The following ELMO1 variants were observed in gnomAD, a reference collection of about 807,000 sequenced individuals.
ELMO1 encodes engulfment and cell motility 1.
A neutral mutation model predicts 98.9 loss-of-function variants in ELMO1; 26 were observed. The observed-to-expected ratio is 0.26, with a 90% confidence interval of 0.19 to 0.36. The LOEUF is 0.36. ELMO1 is among the 10% of genes least tolerant of loss of function. ELMO1 has a pLI of 1.00. For synonymous variants in ELMO1, 346 were observed against 346.0 expected (o/e 1.00, Z 0.00); for missense variants, 627 against 935.2 (o/e 0.67, Z 4.30).
At chr7:37,296,073 G>A (rs1289342271) in intron 4 of ELMO1, among the ~76,000 whole-genome samples, 1 of 152,108 alleles carries the variant, frequency 6.6e-6, no homozygotes, top group East Asian at 1.9e-4. Flanking sequence ...TATGGATCAG[G>A]AGTCTAGCAC....
At chr7:37,091,557 T>C (rs1390558893) in intron 15 of ELMO1, among the ~76,000 whole-genome samples, 1 of 152,170 alleles carries the variant, frequency 6.6e-6, no homozygotes, top group Non-Finnish European at 1.5e-5. Flanking sequence ...CTATGCCTCC[T>C]GTTTTCTGTA....
At chr7:37,015,176 GGAGC>G (rs1793846690) in intron 15 of ELMO1, among the ~76,000 whole-genome samples, 1 of 152,114 alleles carries the variant, frequency 6.6e-6, no homozygotes, top group South Asian at 2.1e-4. Context: ...GCATGGGCCT[GGAGC>G]AATGCACAGT....
At chr7:37,010,435 G>A (rs1793464910) in intron 16 of ELMO1, among the ~76,000 whole-genome samples, 1 of 152,200 alleles carries the variant, frequency 6.6e-6, no homozygotes. Flanking sequence ...GGAAGATGAT[G>A]CTGGATTATC....
Position 37,129,396 on chromosome 7 carries a change from T to C in ELMO1, c.1191+3734A>G, listed in dbSNP as rs76863052. The stretch of plus-strand genomic sequence containing the variant: ...TAAGAATGCTTAAGGAGTTAGAATA[T>C]AGATTGTGATGTCTACGTGGGTCTC... On this transcript the variant is annotated intron_variant, in intron 14 of 21. Transcript: ENST00000310758. Among the ~76,000 whole-genome samples, 1,486 of 152,354 alleles carry C rather than the reference T, an allele frequency of 9.8e-3. 22 individuals are homozygous for C. The highest frequency in any genetic ancestry group is 0.034 in the African/African-American group (1,434 of 41,576).
chr7:37,068,299 C>A (rs139603770), intron 15 of ELMO1, among the ~76,000 whole-genome samples: 1 of 152,146 alleles, frequency 6.6e-6, no homozygotes, highest in Non-Finnish European at 1.5e-5. Flanking sequence ...GTGAGAGTGA[C>A]GTTAAAGAGA....
intron 15 of ELMO1, among the ~76,000 whole-genome samples, chr7:37,065,673 C>T (rs1204646034): frequency 6.6e-6 from 1 of 152,144 alleles, no homozygotes; most frequent in Admixed American, 6.6e-5. Flanking sequence ...GAAAAAAGTG[C>T]CAGTTTATTT....
At chr7:37,149,461 T>C (rs186934845) in intron 13 of ELMO1, among the ~76,000 whole-genome samples, 1 of 152,096 alleles carries the variant, frequency 6.6e-6, no homozygotes, top group Non-Finnish European at 1.5e-5. Flanking sequence ...TAAAATGTTT[T>C]TTCTTTTACA....
chr7:36,990,146 T>C (rs542791593), intron 16 of ELMO1, among the ~76,000 whole-genome samples: 2 of 152,346 alleles, frequency 1.3e-5, no homozygotes, highest in African/African-American at 2.4e-5. Flanking sequence ...GCATGGGATC[T>C]TGTCCAGCGG....
intron 15 of ELMO1, among the ~76,000 whole-genome samples, chr7:37,031,718 G>T (rs1399008586): frequency 6.6e-6 from 1 of 151,990 alleles, no homozygotes; most frequent in East Asian, 1.9e-4. Flanking sequence ...CAGTACTTAG[G>T]GCCTCAAAAA....
At chr7:37,039,003 A>G (rs571556262) in intron 15 of ELMO1, among the ~76,000 whole-genome samples, 2 of 152,212 alleles carry the variant, frequency 1.3e-5, no homozygotes, top group Non-Finnish European at 2.9e-5. Flanking sequence ...TTAGAACTTC[A>G]AAATATACAT....
intron 9 of ELMO1, among the ~76,000 whole-genome samples, chr7:37,224,437 G>C (rs574626111): frequency 1.3e-5 from 2 of 152,184 alleles, no homozygotes; most frequent in African/African-American, 4.8e-5. Flanking sequence ...AACTAAGAAA[G>C]AAGCCTGCCT....
chr7:37,143,878 G>A (rs556528327), intron 13 of ELMO1, among the ~76,000 whole-genome samples: 1 of 151,040 alleles, frequency 6.6e-6, no homozygotes, highest in Non-Finnish European at 1.5e-5. Context: ...GCCTGGCTAA[G>A]TTTTGTATTT....
rs558939569 is a variant in ELMO1, at chr7:37,421,242, A to C, written c.-74+27433T>G. On this transcript the variant is annotated intron_variant, in intron 1 of 21. Coordinates refer to ENST00000310758, the MANE Select transcript of ELMO1 (RefSeq NM_014800.11). ...ACACAACAGCCCATTTCAAGAGAAA[A>C]ACAGACACAAATACTAAGTATATGC... 1.2e-3 allele frequency among the ~76,000 whole-genome samples: 181 copies of C among 152,344 alleles called. 1 individual carries two copies. Among genetic ancestry groups the C allele is most frequent in the Admixed American group, 2.7e-3 (41 of 15,306 alleles).
chr7:37,256,555 G>GAAGGAAAGAAGGAAGA (rs1795660301), intron 6 of ELMO1, among the ~76,000 whole-genome samples: 1 of 40,956 alleles, frequency 2.4e-5, no homozygotes, highest in African/African-American at 2.9e-4. Flanking sequence ...AGGAAGAAAG[G>GAAGGAAAGAAGGAAGA]AAGGAAGGAA....
intron 15 of ELMO1, among the ~76,000 whole-genome samples, chr7:37,081,312 A>G (rs926138408): frequency 1.3e-5 from 2 of 152,242 alleles, no homozygotes; most frequent in African/African-American, 4.8e-5. Flanking sequence ...GTTTGAATGA[A>G]CTTTTGAATG....
At chr7:37,065,503 C>T (rs1796908978) in intron 15 of ELMO1, among the ~76,000 whole-genome samples, 3 of 152,044 alleles carry the variant, frequency 2.0e-5, no homozygotes, top group African/African-American at 7.2e-5. Flanking sequence ...TCTGCCCTTC[C>T]CCCTCAAGTC....
At position 37,213,448 on chromosome 7, in the gene ELMO1, G is replaced by A. The variant is rs1638875174; in HGVS notation, c.841C>T (p.Arg281Ter). The A allele has an allele frequency of 1.9e-6, 3 of 1,611,246 alleles. No individual in the cohort carries two copies. The highest frequency in any genetic ancestry group is 2.5e-6 in the Non-Finnish European group (3 of 1,179,356). Residue 281 changes from arginine to a stop codon, truncating the protein, a stop_gained, in exon 12 of 22, where the codon CGA (arginine) becomes TGA (stop). Coordinates refer to ENST00000310758, the MANE Select transcript of ELMO1 (RefSeq NM_014800.11). LOFTEE classifies it high-confidence loss of function. ...LRSIILTHVI[R>*]AQRAINNEMA... ...TCATTGTTGATGGCCCGCTGGGCTC[G>A]GATGACATGCTAGGGAGATGGTTCA...
At chr7:37,011,259 G>A (rs551093765) in intron 16 of ELMO1, among the ~76,000 whole-genome samples, 11 of 152,310 alleles carry the variant, frequency 7.2e-5, no homozygotes, top group African/African-American at 2.6e-4. Context: ...CCCTGAACAG[G>A]CAGGATGTCT....
chr7:37,135,783 C>T (rs1787229041), intron 13 of ELMO1, among the ~76,000 whole-genome samples: 1 of 152,086 alleles, frequency 6.6e-6, no homozygotes, highest in Non-Finnish European at 1.5e-5. Flanking sequence ...GAGAGGGAAC[C>T]AGAAAAACAA....
Sources: allele counts gnomAD v4.1 joint callset (sites outside exome capture counted in the v4.1 genomes callset), GRCh38; gene constraint gnomAD v4.1.1; transcripts MANE v1.5; gene names NCBI Gene and HGNC (gene_info 2026-07-23, HGNC 2026-07-21).